Variants in SCAF4 observed in about 807,000 individuals in gnomAD.
SCAF4 encodes the protein SR-related and CTD-associated factor 4.
Under a neutral mutation model 129.8 loss-of-function variants are expected in SCAF4, and 25 were observed. That is an observed-to-expected ratio of 0.19 (90% CI 0.14 to 0.27). The LOEUF (loss-of-function observed/expected upper bound fraction) is 0.27. Ranked by LOEUF, SCAF4 falls within the 10% of genes least tolerant of loss-of-function variation. The probability of loss-of-function intolerance (pLI) is 1.00; values close to 1 mark genes in which losing one functional copy is unlikely to be tolerated. For synonymous variants in SCAF4, 551 were observed against 497.7 expected (o/e 1.11, Z -1.43); for missense variants, 1,246 against 1,457.1 (o/e 0.86, Z 2.36).
At chr21:31,692,662 T>C (rs2050286782) in intron 12 of SCAF4, among the ~76,000 whole-genome samples, 2 of 152,272 alleles carry the variant, frequency 1.3e-5, no homozygotes, top group South Asian at 4.1e-4. Context: ...TACATAAAAG[T>C]TGGAAAAAAC....
At chr21:31,721,620 G>A (rs745851555) in intron 1 of SCAF4, among the ~76,000 whole-genome samples, 1 of 152,066 alleles carries the variant, frequency 6.6e-6, no homozygotes, top group Non-Finnish European at 1.5e-5. Flanking sequence ...GAGGCAAGAG[G>A]AGCAGTCCAC....
At position 31,685,697 on chromosome 21, in the gene SCAF4, C is replaced by T. The variant is rs748510825; in HGVS notation, c.2080G>A (p.Ala694Thr). ...GGCGTGAAAGCAGGCGGCTGGAGAGCACCAACTACAGGTGGACCCGGTTGA... is the reference window on the plus strand; with the variant it reads ...GGCGTGAAAGCAGGCGGCTGGAGAGTACCAACTACAGGTGGACCCGGTTGA... The part of the protein sequence containing the change: ...PHQPGPPVVG[A>T]LQPPAFTPPL... Residue 694 changes from alanine (A) to threonine (T), a missense_variant, in exon 17 of 20, where the codon GCT becomes ACT. Coordinates refer to ENST00000286835, the MANE Select transcript of SCAF4 (RefSeq NM_020706.2). The T allele has an allele frequency of 3.7e-6, 6 of 1,609,878 alleles. No homozygotes were observed. The highest frequency in any genetic ancestry group is 5.1e-6 in the Non-Finnish European group (6 of 1,178,212).
In SCAF4 at chr21:31,721,727, T is replaced by G. The variant is rs113118113; in HGVS notation, c.30+9936A>C. ...ATTAACATCAAGCAAGAGCAATTCT[T>G]TTTTTTTTTTTTTTTTTGAGATGGA... On this transcript the variant is annotated intron_variant, in intron 1 of 19. Coordinates refer to ENST00000286835, the MANE Select transcript of SCAF4 (RefSeq NM_020706.2). Among the ~76,000 whole-genome samples the G allele has an allele frequency of 8.9e-3, 1,289 of 144,830 alleles. 26 individuals are homozygous for G. The highest frequency in any genetic ancestry group is 0.032 in the African/African-American group (1,223 of 38,428).
intron 19 of SCAF4, chr21:31,684,423 C>G (rs56270039): frequency 6.6e-6 from 1 of 152,196 alleles, no homozygotes; most frequent in Non-Finnish European, 1.5e-5. Flanking sequence ...TAAGTCACAT[C>G]GCCCTTGATC....
chr21:31,728,468 C>G (rs1263227838), intron 1 of SCAF4, among the ~76,000 whole-genome samples: 1 of 152,146 alleles, frequency 6.6e-6, no homozygotes, highest in Non-Finnish European at 1.5e-5. Context: ...TCATACTATA[C>G]AAAATATTAT....
chr21:31,675,982 A>G (rs2049844418), intron 19 of SCAF4, among the ~76,000 whole-genome samples: 1 of 152,206 alleles, frequency 6.6e-6, no homozygotes, highest in Non-Finnish European at 1.5e-5. Context: ...AAAGGCATAT[A>G]ATGAATAGGG....
At chr21:31,678,556 ACT>A (rs1003213673) in intron 19 of SCAF4, among the ~76,000 whole-genome samples, 8 of 145,226 alleles carry the variant, frequency 5.5e-5, no homozygotes, top group South Asian at 2.1e-4. Context: ...TGGATAAAAG[ACT>A]CTACACCATT....
intron 13 of SCAF4, 194 bp downstream of exon 13, chr21:31,692,155 C>CA: frequency 6.8e-6 from 4 of 587,214 alleles, no homozygotes; most frequent in Non-Finnish European, 9.0e-6. Flanking sequence ...CTTGGTTATC[C>CA]AAGAAATGTT....
intron 1 of SCAF4, among the ~76,000 whole-genome samples, chr21:31,719,558 G>A (rs2051020790): frequency 6.6e-6 from 1 of 151,984 alleles, no homozygotes; most frequent in African/African-American, 2.4e-5. Flanking sequence ...AGGCTGGAAT[G>A]CAATGGTGTG....
chr21:31,701,226 A>G (rs1323257278), intron 6 of SCAF4, 55 bp from the exon 7 acceptor site: 1 of 1,422,086 alleles, frequency 7.0e-7, no homozygotes, highest in Admixed American at 2.4e-5. Context: ...CATACTATCA[A>G]AAGTTAATTT....
intron 7 of SCAF4, among the ~76,000 whole-genome samples, chr21:31,697,340 TA>T (rs2050412857): frequency 6.6e-6 from 1 of 152,162 alleles, no homozygotes; most frequent in African/African-American, 2.4e-5. Flanking sequence ...TCAAGAGACT[TA>T]ATGAGATCAC....
chr21:31,722,288 G>A (rs1452937498), intron 1 of SCAF4, among the ~76,000 whole-genome samples: 1 of 152,038 alleles, frequency 6.6e-6, no homozygotes, highest in Non-Finnish European at 1.5e-5. Flanking sequence ...AGTACAAAAA[G>A]GTTCAGGATA....
intron 7 of SCAF4, chr21:31,700,741 C>CTTTTTTTTTTTTTTTTT (rs79606547): frequency 3.5e-6 from 1 of 286,330 alleles, no homozygotes; most frequent in African/African-American, 2.6e-5. Flanking sequence ...CTAACTTTTT[C>CTTTTTTTTTTTTTTTTT]TTTTTTTTTT....
At chr21:31,689,707 C>A (rs1464526448) in intron 15 of SCAF4, among the ~76,000 whole-genome samples, 1 of 150,624 alleles carries the variant, frequency 6.6e-6, no homozygotes, top group African/African-American at 2.4e-5. Context: ...AGGCAGTAGG[C>A]AGATCACCTG....
rs1191116969 is a variant in SCAF4 at position 31,671,080 on chromosome 21, G to A, written c.*319C>T. On this transcript the variant is annotated 3_prime_UTR_variant, in exon 20 of 20. Coordinates refer to ENST00000286835, the MANE Select transcript of SCAF4 (RefSeq NM_020706.2). ...TTAAAAACATCCCTATTGTTTTGAG[G>A]AGCTTTCACCGTTACCTTGTCTTAA... 2 of 234,964 alleles carry A rather than the reference G, an allele frequency of 8.5e-6. No individual in the cohort carries two copies. Among genetic ancestry groups the A allele is most frequent in the Non-Finnish European group, 1.6e-5 (2 of 123,866 alleles). 14.6% of individuals were successfully genotyped at this position (234,964 alleles called of 1,614,324 possible).
intron 7 of SCAF4, among the ~76,000 whole-genome samples, chr21:31,698,488 AG>A (rs1281521134): frequency 6.6e-6 from 1 of 152,212 alleles, no homozygotes; most frequent in Non-Finnish European, 1.5e-5. Flanking sequence ...CATCTGGAAA[AG>A]TATGCTGTGA....
At chr21:31,719,209 G>A (rs988822010) in intron 1 of SCAF4, among the ~76,000 whole-genome samples, 19 of 151,792 alleles carry the variant, frequency 1.3e-4, no homozygotes, top group African/African-American at 4.1e-4. Context: ...AGAATCACTT[G>A]AACCCTAGAG....
chr21:31,727,136 T>C (rs576261071), intron 1 of SCAF4, among the ~76,000 whole-genome samples: 1 of 152,310 alleles, frequency 6.6e-6, no homozygotes, highest in Non-Finnish European at 1.5e-5. Flanking sequence ...TGGAGTGCAG[T>C]GGCCCAATCT....
chr21:31,673,307 T>C (rs1218195118), intron 19 of SCAF4, among the ~76,000 whole-genome samples: 1 of 152,162 alleles, frequency 6.6e-6, no homozygotes, highest in Non-Finnish European at 1.5e-5. Context: ...ACTATAATAC[T>C]ATGATTGAAA....
Sources: gnomAD v4.1 joint callset for allele counts (sites outside exome capture counted in the v4.1 genomes callset) on GRCh38, gnomAD v4.1.1 for gene constraint, MANE v1.5 for transcripts, NCBI Gene and HGNC (gene_info 2026-07-23, HGNC 2026-07-21) for gene names.